ABL1: variants seen among roughly 807,000 people sequenced by gnomAD.
The protein encoded by ABL1 is ABL proto-oncogene 1, non-receptor tyrosine kinase.
ABL1 carries 11 observed loss-of-function variants against 94.7 expected under a neutral mutation model. That is an observed-to-expected ratio of 0.12 (90% CI 0.07 to 0.19). The LOEUF is 0.19. Among genes scored for constraint, ABL1 ranks in the 10% least tolerant of loss-of-function variants. The probability of loss-of-function intolerance (pLI) is 1.00; values close to 1 mark genes in which losing one functional copy is unlikely to be tolerated. For missense variants in ABL1, 1,082 were observed against 1,489.4 expected (o/e 0.73, Z 4.50); for synonymous variants, 656 against 622.4 (o/e 1.05, Z -0.80).
intron 4 of ABL1, among the ~76,000 whole-genome samples, chr9:130,864,935 G>C (rs946710112): frequency 3.3e-5 from 5 of 152,208 alleles, no homozygotes; most frequent in African/African-American, 4.8e-5. Flanking sequence ...AAGCTTGTCT[G>C]AAAACTTCCA....
chr9:130,754,176 A>C (rs1832010155), intron 1 of ABL1, among the ~76,000 whole-genome samples: 1 of 145,766 alleles, frequency 6.9e-6, no homozygotes, highest in Admixed American at 7.0e-5. Context: ...ACTGCACTCC[A>C]GTCTGGGCAA....
intron 1 of ABL1, among the ~76,000 whole-genome samples, chr9:130,786,852 A>G (rs1231647292): frequency 2.6e-5 from 4 of 151,364 alleles, no homozygotes; most frequent in Non-Finnish European, 5.9e-5. Context: ...TAATAAGTGA[A>G]AAAAACATCT....
intron 1 of ABL1, among the ~76,000 whole-genome samples, chr9:130,804,444 G>T (rs1296847595): frequency 6.6e-6 from 1 of 151,988 alleles, no homozygotes; most frequent in African/African-American, 2.4e-5. Flanking sequence ...AAATTAGTGG[G>T]CGTGTGGCGC....
At position 130,884,977 on chromosome 9, in the gene ABL1, A is replaced by C. The variant is rs1292166160; in HGVS notation, c.2687A>C (p.Lys896Thr). ...GACAAGGGGAAATTGTCCAGGCTCAAACCTGCCCCGCCGCCCCCACCAGCA... is the reference window on the plus strand; with the variant it reads ...GACAAGGGGAAATTGTCCAGGCTCACACCTGCCCCGCCGCCCCCACCAGCA... ...GRDKGKLSRL[K>T]PAPPPPPAAS... Residue 896 changes from lysine (K) to threonine (T), a missense_variant, in exon 11 of 11, where the codon AAA becomes ACA. This residue lies in a region of ABL1 where 780 missense variants were observed against 835.8 expected (regional missense o/e 0.93). Transcript: ENST00000318560. This position sits in a 1 kb window ranked among gnomAD's most constrained non-coding sequence, Gnocchi z 5.6. The C allele has an allele frequency of 3.7e-6, 6 of 1,610,758 alleles. No homozygotes were observed. Among genetic ancestry groups the C allele is most frequent in the Non-Finnish European group, 5.1e-6 (6 of 1,179,304 alleles).
At chr9:130,792,838 A>G (rs1294858321) in intron 1 of ABL1, among the ~76,000 whole-genome samples, 1 of 152,180 alleles carries the variant, frequency 6.6e-6, no homozygotes, top group African/African-American at 2.4e-5. Context: ...TACCCCATGC[A>G]GCTGCTTTCT....
chr9:130,714,412 A>C, exon 1 of ABL1: 1 of 1,614,164 alleles, frequency 6.2e-7, no homozygotes, highest in East Asian at 2.2e-5. Context: ...AGAAGGAATC[A>C]TCGAGGCATG....
chr9:130,741,986 C>T (rs867664349), intron 1 of ABL1, among the ~76,000 whole-genome samples: 66 of 152,146 alleles, frequency 4.3e-4, no homozygotes, highest in African/African-American at 1.4e-3. Flanking sequence ...TGGCCCAGAC[C>T]TTCTCAGACA....
At chr9:130,731,082 C>T (rs1026185221) in intron 1 of ABL1, among the ~76,000 whole-genome samples, 1 of 129,310 alleles carries the variant, frequency 7.7e-6, no homozygotes, top group African/African-American at 3.0e-5. Context: ...TCTCGGCTCA[C>T]TGCAACCTCC....
In ABL1 at chr9:130,814,218, C is replaced by T. The variant is rs571665131; in HGVS notation, c.137-39846C>T. On this transcript the variant is annotated intron_variant, in intron 1 of 10. Coordinates refer to the ABL1 transcript ENST00000372348. The surrounding 1 kb of genome is among the most constrained non-coding windows in gnomAD (Gnocchi z 4.4). ...AGGAGAATCGCTTTAACCAGGGAGTCGGAGGTTGCAGTGAACCGAGATCGC... is the reference window on the plus strand; with the variant it reads ...AGGAGAATCGCTTTAACCAGGGAGTTGGAGGTTGCAGTGAACCGAGATCGC... 7.9e-5 allele frequency among the ~76,000 whole-genome samples: 12 copies of T among 151,458 alleles called. No individual in the cohort carries two copies. The highest frequency in any genetic ancestry group is 4.0e-4 in the Admixed American group (6 of 15,164).
intron 1 of ABL1, among the ~76,000 whole-genome samples, chr9:130,762,618 C>A (rs539082541): frequency 1.3e-5 from 2 of 152,022 alleles, no homozygotes; most frequent in South Asian, 4.2e-4. Flanking sequence ...CATATGAAAA[C>A]CTGAATAATC....
rs1831586325 is a variant in ABL1 at position 130,886,485 on chromosome 9, TGGCA to T, written c.*805_*808del. ...GGCAAGAAAGCTTGAGTCTCAAGGG[TGGCA>T]GGTCACTGTCACTGCCGACATCCCT... On this transcript the variant is annotated 3_prime_UTR_variant, in exon 11 of 11. Coordinates refer to ENST00000318560, the MANE Select transcript of ABL1 (RefSeq NM_005157.6). 1 of 233,398 alleles carries T rather than the reference TGGCA, an allele frequency of 4.3e-6. No individual in the cohort carries two copies. The highest frequency in any genetic ancestry group is 8.5e-6 in the Non-Finnish European group (1 of 117,996). 14.5% of individuals were successfully genotyped at this position (233,398 alleles called of 1,614,324 possible). A position where few individuals can be genotyped will look rare whatever the true frequency, so the allele number is the denominator to read the frequency against.
At chr9:130,882,498 T>C (rs144015256) in intron 10 of ABL1, among the ~76,000 whole-genome samples, 1 of 152,272 alleles carries the variant, frequency 6.6e-6, no homozygotes, top group Non-Finnish European at 1.5e-5. Flanking sequence ...TGAGGGAGAA[T>C]TCTGTTACTC....
At chr9:130,728,648 C>CCAAAGTG (rs1338708824) in intron 1 of ABL1, among the ~76,000 whole-genome samples, 1 of 151,744 alleles carries the variant, frequency 6.6e-6, no homozygotes, top group African/African-American at 2.4e-5. Context: ...CCTCAGCCTC[C>CCAAAGTG]CAAAGTGCTG....
intron 1 of ABL1, among the ~76,000 whole-genome samples, chr9:130,826,814 C>T (rs1014089722): frequency 6.6e-6 from 1 of 152,110 alleles, no homozygotes; most frequent in African/African-American, 2.4e-5. Flanking sequence ...CGCGGTGGCT[C>T]ACGCCTGTAA....
At chr9:130,735,961 A>ATAAATTTTTTT (rs573602038) in intron 1 of ABL1, among the ~76,000 whole-genome samples, 1 of 94,886 alleles carries the variant, frequency 1.1e-5, no homozygotes, top group East Asian at 4.1e-4. Context: ...ATATATATAT[A>ATAAATTTTTTT]TTTTTTTTTT....
intron 1 of ABL1, among the ~76,000 whole-genome samples, chr9:130,847,349 G>T (rs7046362): frequency 0.038 from 5,735 of 152,022 alleles, 379 homozygotes; most frequent in African/African-American, 0.13. Context: ...TGGAAGAACA[G>T]AAGAAGGGAA....
At chr9:130,825,994 A>T (rs1830419908) in intron 1 of ABL1, among the ~76,000 whole-genome samples, 1 of 152,198 alleles carries the variant, frequency 6.6e-6, no homozygotes, top group Admixed American at 6.5e-5. Flanking sequence ...GTCATGTCAC[A>T]GGAAAGGGAT....
intron 1 of ABL1, among the ~76,000 whole-genome samples, chr9:130,837,264 C>G (rs572016788): frequency 1.3e-5 from 2 of 152,258 alleles, no homozygotes; most frequent in South Asian, 4.2e-4. Context: ...CCAAGTTGCT[C>G]AAAATTCTGA....
intron 1 of ABL1, among the ~76,000 whole-genome samples, chr9:130,850,599 T>C (rs778007714): frequency 4.6e-5 from 7 of 152,136 alleles, no homozygotes; most frequent in Non-Finnish European, 1.0e-4. Context: ...CTCTGCCTCC[T>C]GTGTTCAAGC....
Sources: gnomAD v4.1 joint callset for allele counts (sites outside exome capture counted in the v4.1 genomes callset) on GRCh38, gnomAD v4.1.1 for gene constraint, gnomAD v4.1.1 regional missense constraint, Gnocchi (gnomAD v3.1) non-coding constraint, MANE v1.5 for transcripts, NCBI Gene and HGNC (gene_info 2026-07-23, HGNC 2026-07-21) for gene names.